Variants in DUSP15 observed in about 807,000 individuals in gnomAD.
DUSP15 encodes the protein dual specificity protein phosphatase 15.
Under a neutral mutation model 26.3 loss-of-function variants are expected in DUSP15, and 23 were observed. The ratio of observed to expected loss-of-function variants is 0.87; its 90% confidence interval spans 0.63 to 1.24. The LOEUF is 1.24. Among genes scored for constraint, DUSP15 ranks in the 50% most tolerant of loss-of-function variants. The pLI is 0.00. For synonymous variants in DUSP15, 143 were observed against 135.5 expected, an observed-to-expected ratio of 1.06 and a Z score of -0.39; for missense variants, 364 against 320.6, an observed-to-expected ratio of 1.14 and a Z score of -1.03.
At chr20:31,848,281 G>T in exon 10 of DUSP15, 1 of 1,161,980 alleles carries the variant, frequency 8.6e-7, no homozygotes. Flanking sequence ...AGGAGTGGAA[G>T]GCCGCGATCC....
downstream of DUSP15, among the ~76,000 whole-genome samples, chr20:31,846,173 C>T (rs1214704293): frequency 6.7e-6 from 1 of 149,652 alleles, no homozygotes; most frequent in Non-Finnish European, 1.5e-5. Context: ...TAAGCACACA[C>T]ACACATATAC....
chr20:31,866,807 G>A (rs2062776553), intron 3 of DUSP15, among the ~76,000 whole-genome samples: 1 of 152,198 alleles, frequency 6.6e-6, no homozygotes. Context: ...TTAAGGTTCA[G>A]TGTGAGACTT....
downstream of DUSP15, among the ~76,000 whole-genome samples, chr20:31,860,818 G>C (rs368412028): frequency 1.3e-5 from 2 of 152,200 alleles, no homozygotes; most frequent in African/African-American, 4.8e-5. Context: ...CCGAGAGAAG[G>C]AGGGACTTGG....
intron 5 of DUSP15, 49 bp from the exon 6 acceptor site, chr20:31,862,791 C>T: frequency 6.5e-7 from 1 of 1,527,686 alleles, no homozygotes; most frequent in Non-Finnish European, 8.8e-7. Flanking sequence ...CCAATGTCCT[C>T]CATGCCCCCA....
At chr20:31,858,642 C>T (rs769646707), downstream of DUSP15, among the ~76,000 whole-genome samples, 13 of 152,182 alleles carry the variant, frequency 8.5e-5, 1 homozygote, top group East Asian at 7.7e-4. This position sits in a 1 kb window ranked among gnomAD's most constrained non-coding sequence, Gnocchi z 4.4. Flanking sequence ...CTCAGGAGGC[C>T]GGCCCCCATG....
rs772064073 is a variant in DUSP15, at chr20:31,870,357, C to G, written c.-20G>C. On this transcript the variant is annotated 5_prime_UTR_variant, in exon 1 of 7. Coordinates refer to ENST00000339738, the MANE Select transcript of DUSP15 (RefSeq NM_080611.5). The surrounding 1 kb of genome is among the most constrained non-coding windows in gnomAD (Gnocchi z 6.6). Reference sequence around the variant, plus strand: ...GCCCATGATCCCGGGGGCGGCGGTCCGGGTGCACCCCCAGCTCGCCGCCCG... The same window carrying G: ...GCCCATGATCCCGGGGGCGGCGGTCGGGGTGCACCCCCAGCTCGCCGCCCG... 5 of 1,278,052 alleles carry G rather than the reference C, an allele frequency of 3.9e-6. No individual in the cohort carries two copies. Among genetic ancestry groups the G allele is most frequent in the Non-Finnish European group, 4.9e-6 (5 of 1,012,798 alleles). The allele number at this position is 1,278,052 out of a possible 1,614,324, so 79.2% of individuals were successfully genotyped here.
At chr20:31,857,403 T>C (rs182799710), downstream of DUSP15, among the ~76,000 whole-genome samples, 188 of 151,984 alleles carry the variant, frequency 1.2e-3, no homozygotes, top group African/African-American at 4.2e-3. Context: ...GTGATCCTCC[T>C]GCCTTGACCT....
At chr20:31,862,774 G>A in intron 5 of DUSP15, 32 bp from the exon 6 acceptor site, 1 of 1,565,656 alleles carries the variant, frequency 6.4e-7, no homozygotes, top group Non-Finnish European at 8.7e-7. Flanking sequence ...CAGGCTTCAA[G>A]TAAGATCCAA....
At chr20:31,869,632 G>C (rs1158885463) in intron 1 of DUSP15, 35 bp from the exon 2 acceptor site, 1 of 1,612,186 alleles carries the variant, frequency 6.2e-7, no homozygotes, top group Non-Finnish European at 8.5e-7. Flanking sequence ...AGTGGGGCAG[G>C]GGCTGCACCC....
At chr20:31,864,412 C>T (rs1228621768) in intron 4 of DUSP15, 13 of 1,036,170 alleles carry the variant, frequency 1.3e-5, no homozygotes, top group Non-Finnish European at 1.5e-5. Flanking sequence ...TTGGCTCCAT[C>T]CCAAGCGGGG....
At chr20:31,855,028 G>A (rs1044340595) in intron 6 of DUSP15, among the ~76,000 whole-genome samples, 4 of 152,118 alleles carry the variant, frequency 2.6e-5, no homozygotes, top group Non-Finnish European at 5.9e-5. Context: ...ATGCCTGAAC[G>A]AAGCTTATCT....
chr20:31,867,481 G>A (rs1321197621), intron 2 of DUSP15, among the ~76,000 whole-genome samples: 1 of 152,192 alleles, frequency 6.6e-6, no homozygotes, highest in Non-Finnish European at 1.5e-5. Context: ...GTTCTCTGCA[G>A]TCCTGCTTAT....
chr20:31,856,027 G>A (rs147298774), intron 6 of DUSP15, among the ~76,000 whole-genome samples: 1 of 152,234 alleles, frequency 6.6e-6, no homozygotes, highest in African/African-American at 2.4e-5. Flanking sequence ...GTGAGGTTTT[G>A]GTGCACCCAT....
chr20:31,870,492 G>A lies in DUSP15; in HGVS notation c.-155C>T, dbSNP rs1467183140. Reference sequence around the variant, plus strand: ...CCCTGCCCAGCCCTGCCCAGCCACCGCCACCGCCCGCCGACCCCCGGCCCG... The same window carrying A: ...CCCTGCCCAGCCCTGCCCAGCCACCACCACCGCCCGCCGACCCCCGGCCCG... On this transcript the variant is annotated 5_prime_UTR_variant, in exon 1 of 7. Coordinates refer to ENST00000339738, the MANE Select transcript of DUSP15 (RefSeq NM_080611.5). This position sits in a 1 kb window ranked among gnomAD's most constrained non-coding sequence, Gnocchi z 6.6. The A allele has an allele frequency of 1.4e-5, 20 of 1,380,390 alleles. No homozygotes were observed. Among genetic ancestry groups the A allele is most frequent in the East Asian group, 3.1e-5 (1 of 32,440 alleles). The allele number at this position is 1,380,390 out of a possible 1,614,324, so 85.5% of individuals were successfully genotyped here. A position where few individuals can be genotyped will look rare whatever the true frequency, so the allele number is the denominator to read the frequency against.
chr20:31,867,806 G>A (rs1343201872), intron 2 of DUSP15, among the ~76,000 whole-genome samples: 1 of 151,930 alleles, frequency 6.6e-6, no homozygotes, highest in South Asian at 2.1e-4. Context: ...CACCACACCC[G>A]GCTAATTTTT....
chr20:31,869,456 C>T (rs893151704), intron 2 of DUSP15, 108 bp downstream of exon 2: 2 of 1,462,414 alleles, frequency 1.4e-6, no homozygotes, highest in African/African-American at 2.8e-5. Context: ...GGCCGCTTCC[C>T]TGCCCCCAAC....
rs1398373045 is a variant in DUSP15, at chr20:31,870,138, G to T, written c.21+179C>A. The T allele has an allele frequency of 7.3e-6, 9 of 1,234,422 alleles. No homozygotes were observed. The highest frequency in any genetic ancestry group is 9.1e-6 in the Non-Finnish European group (9 of 988,164). The allele number at this position is 1,234,422 out of a possible 1,614,324, so 76.5% of individuals were successfully genotyped here. ...GGGCGGACACAGCGGGGACAGAGAC[G>T]CAGGGTCAGAGAGGGGGAGACCCGA... On this transcript the variant is annotated intron_variant, in intron 1 of 6. Coordinates refer to ENST00000339738, the MANE Select transcript of DUSP15 (RefSeq NM_080611.5). The surrounding 1 kb of genome is among the most constrained non-coding windows in gnomAD (Gnocchi z 6.6).
In DUSP15 at chr20:31,870,151, G is replaced by A. The variant is rs1055680930; in HGVS notation, c.21+166C>T. 9.0e-6 allele frequency: 11 copies of A among 1,228,550 alleles called. No homozygotes were observed. Among genetic ancestry groups the A allele is most frequent in the Middle Eastern group, 2.8e-4 (1 of 3,544 alleles). The allele number at this position is 1,228,550 out of a possible 1,614,324, so 76.1% of individuals were successfully genotyped here. On this transcript the variant is annotated intron_variant, in intron 1 of 6. Coordinates refer to ENST00000339738, the MANE Select transcript of DUSP15 (RefSeq NM_080611.5). This position sits in a 1 kb window ranked among gnomAD's most constrained non-coding sequence, Gnocchi z 6.6. Reference sequence around the variant, plus strand: ...GGGGACAGAGACGCAGGGTCAGAGAGGGGGAGACCCGACAGCCGCGGTCTC... The same window carrying A: ...GGGGACAGAGACGCAGGGTCAGAGAAGGGGAGACCCGACAGCCGCGGTCTC...
intron 4 of DUSP15, among the ~76,000 whole-genome samples, chr20:31,864,720 T>C (rs2062730198): frequency 6.6e-6 from 1 of 152,212 alleles, no homozygotes; most frequent in South Asian, 2.1e-4. Flanking sequence ...GTACAGAGTG[T>C]CCTTTTCCCA....
Sources: gnomAD v4.1 joint callset for allele counts (sites outside exome capture counted in the v4.1 genomes callset) on GRCh38, gnomAD v4.1.1 for gene constraint, Gnocchi (gnomAD v3.1) non-coding constraint, MANE v1.5 for transcripts, NCBI Gene and HGNC (gene_info 2026-07-23, HGNC 2026-07-21) for gene names.